The following TRPM3 variants were observed in gnomAD, a reference collection of about 807,000 sequenced individuals.
TRPM3 encodes the protein transient receptor potential cation channel subfamily M member 3.
In TRPM3, 77 loss-of-function variants were observed where a neutral mutation model predicts 181.2. The ratio of observed to expected loss-of-function variants is 0.42; its 90% CI spans 0.35 to 0.51. The LOEUF (loss-of-function observed/expected upper bound fraction) is 0.51, where lower values mean the gene tolerates loss of function less well. Among genes scored for constraint, TRPM3 ranks in the 20% least tolerant of loss-of-function variants. The probability of loss-of-function intolerance (pLI) is 0.01; values close to 1 mark genes in which losing one functional copy is unlikely to be tolerated. For synonymous variants in TRPM3, 745 were observed against 796.4 expected (o/e 0.94, Z 1.09); for missense variants, 1,759 against 2,196.7 (o/e 0.80, Z 3.98).
chr9:70,980,691 C>G (rs892584515), intron 1 of TRPM3, among the ~76,000 whole-genome samples: 1 of 152,198 alleles, frequency 6.6e-6, no homozygotes, highest in Non-Finnish European at 1.5e-5. Flanking sequence ...TCAGTAGCAC[C>G]CTGGCCCCTG....
chr9:70,971,200 C>T (rs571598874), intron 1 of TRPM3, among the ~76,000 whole-genome samples: 7 of 152,028 alleles, frequency 4.6e-5, no homozygotes, highest in African/African-American at 1.7e-4. Context: ...AATAAAAAAT[C>T]CAAAGTTTTG....
At chr9:70,612,843 A>G (rs1432665093) in intron 18 of TRPM3, among the ~76,000 whole-genome samples, 1 of 152,182 alleles carries the variant, frequency 6.6e-6, no homozygotes, top group Non-Finnish European at 1.5e-5. Context: ...GCTTATTTAT[A>G]TGCTTGAGAA....
intron 8 of TRPM3, among the ~76,000 whole-genome samples, chr9:70,694,970 C>G (rs536006549): frequency 1.3e-5 from 2 of 152,170 alleles, no homozygotes; most frequent in African/African-American, 2.4e-5. Flanking sequence ...ACGTGACAAC[C>G]CTCCCCCTAT....
At chr9:70,842,301 A>G (rs192016253) in intron 5 of TRPM3, among the ~76,000 whole-genome samples, 126 of 152,168 alleles carry the variant, frequency 8.3e-4, no homozygotes, top group African/African-American at 2.9e-3. Flanking sequence ...GCCATTGGTA[A>G]CTCATACTAC....
intron 1 of TRPM3, among the ~76,000 whole-genome samples, chr9:71,258,357 C>T (rs976386063): frequency 6.6e-6 from 1 of 152,160 alleles, no homozygotes. Context: ...CTGGACCTGG[C>T]CATACTTCCT....
intron 1 of TRPM3, among the ~76,000 whole-genome samples, chr9:71,157,876 CACAG>C (rs71352345): frequency 0.043 from 6,527 of 152,018 alleles, 176 homozygotes; most frequent in South Asian, 0.14. Context: ...CTCAAGAGCA[CACAG>C]ACAGATTGTT....
chr9:71,145,045 ATC>A lies in TRPM3; in HGVS notation c.184-280536_184-280535del, dbSNP rs148410366. Reference sequence around the variant, plus strand: ...GATAACATTATTTGTTTCCATAAATATCTGTTGACTAATAGTCCAACAAAAAC... The same window carrying A: ...GATAACATTATTTGTTTCCATAAATATGTTGACTAATAGTCCAACAAAAAC... On this transcript the variant is annotated intron_variant, in intron 1 of 24. Transcript: ENST00000357533. 7.7e-3 allele frequency among the ~76,000 whole-genome samples: 1,178 copies of A among 152,300 alleles called. 2 individuals carry two copies. The highest frequency in any genetic ancestry group is 0.012 in the Non-Finnish European group (786 of 68,018).
In TRPM3 at chr9:70,758,245, A is replaced by G. The variant is rs536049490; in HGVS notation, c.1272+3356T>C. On this transcript the variant is annotated intron_variant, in intron 8 of 25. Coordinates refer to ENST00000677713, the MANE Select transcript of TRPM3 (RefSeq NM_001366145.2). ...CCTATTCACAATTGCTACAAAGAGAATAAAATACCTAGGAATCCAACTTAC... is the reference window on the plus strand; with the variant it reads ...CCTATTCACAATTGCTACAAAGAGAGTAAAATACCTAGGAATCCAACTTAC... Among the ~76,000 whole-genome samples the G allele has an allele frequency of 3.7e-4, 57 of 152,298 alleles. 1 individual carries two copies. Among genetic ancestry groups the G allele is most frequent in the Middle Eastern group, 3.4e-3 (1 of 294 alleles).
At position 70,826,740 on chromosome 9, in the gene TRPM3, C is replaced by G. The variant is rs2093582059; in HGVS notation, c.973+1107G>C. ...TAGAACCTCTGAAAACTCATCTAGC[C>G]AAAGGGAATCTTTTGTTCTTTGGAA... On this transcript the variant is annotated intron_variant, in intron 6 of 25. Coordinates refer to ENST00000677713, the MANE Select transcript of TRPM3 (RefSeq NM_001366145.2). 2.0e-5 allele frequency: 3 copies of G among 152,152 alleles called. No homozygotes were observed. In the South Asian group the frequency reaches 6.2e-4, roughly 32 times the overall value. 9.4% of individuals were successfully genotyped at this position (152,152 alleles called of 1,614,324 possible).
chr9:71,038,438 T>C (rs2058456153), intron 1 of TRPM3, among the ~76,000 whole-genome samples: 1 of 152,220 alleles, frequency 6.6e-6, no homozygotes, highest in Non-Finnish European at 1.5e-5. Flanking sequence ...GCTTATTATA[T>C]AACTTGGCTG....
chr9:71,216,422 G>A (rs2131826571), intron 1 of TRPM3, among the ~76,000 whole-genome samples: 1 of 152,030 alleles, frequency 6.6e-6, no homozygotes, highest in African/African-American at 2.4e-5. Context: ...TTGCCTAACG[G>A]AGAAAATATT....
At chr9:71,391,576 T>A (rs1236604160) in intron 1 of TRPM3, among the ~76,000 whole-genome samples, 12 of 152,096 alleles carry the variant, frequency 7.9e-5, no homozygotes, top group Admixed American at 7.9e-4. Flanking sequence ...GTTATTGAAA[T>A]GTTTCCATAT....
chr9:71,009,608 C>A lies in TRPM3; in HGVS notation c.177+111570G>T, dbSNP rs1025244606. ...AGGAGGCAATTAAATGGAAATATAC[C>A]CCATGTTCATGGACTGGATGAATTA... On this transcript the variant is annotated intron_variant, in intron 1 of 25. Transcript: ENST00000677713. Among the ~76,000 whole-genome samples, 4 of 151,756 alleles carry A rather than the reference C, an allele frequency of 2.6e-5. No homozygotes were observed. The East Asian group carries it at 7.8e-4, about 29-fold the overall frequency.
At chr9:71,401,197 CAAAA>C (rs59425467) in intron 1 of TRPM3, among the ~76,000 whole-genome samples, 3 of 105,810 alleles carry the variant, frequency 2.8e-5, no homozygotes, top group Admixed American at 1.0e-4. Flanking sequence ...GACACCATCG[CAAAA>C]AAAAAAAAAA....
At chr9:70,967,122 T>C (rs1017748435) in intron 1 of TRPM3, among the ~76,000 whole-genome samples, 1 of 152,130 alleles carries the variant, frequency 6.6e-6, no homozygotes, top group African/African-American at 2.4e-5. Flanking sequence ...CCTTTTCTTT[T>C]AAAACTGTGG....
intron 8 of TRPM3, chr9:70,761,121 T>G (rs1477521346): frequency 3.6e-6 from 1 of 281,092 alleles, no homozygotes; most frequent in East Asian, 7.3e-5. Context: ...AGAAACACAT[T>G]TTGCTCTGAT....
intron 1 of TRPM3, among the ~76,000 whole-genome samples, chr9:71,200,083 C>T (rs2078676785): frequency 6.6e-6 from 1 of 151,956 alleles, no homozygotes; most frequent in Admixed American, 6.6e-5. Context: ...TCTTTGTTCT[C>T]ATTGGTTTCA....
rs1207764542 is a variant in TRPM3 at position 70,535,373 on chromosome 9, A to T, written c.*580T>A. The T allele has an allele frequency of 6.5e-7, 1 of 1,532,740 alleles. No homozygotes were observed. Among genetic ancestry groups the T allele is most frequent in the East Asian group, 2.4e-5 (1 of 40,832 alleles). 94.9% of individuals were successfully genotyped at this position (1,532,740 alleles called of 1,614,324 possible). Reference sequence around the variant, plus strand: ...TTTTTTCTTTATAATGATCAATTACAGAAGTGTTGGCATGAGAAGGATGTG... The same window carrying T: ...TTTTTTCTTTATAATGATCAATTACTGAAGTGTTGGCATGAGAAGGATGTG... On this transcript the variant is annotated 3_prime_UTR_variant, in exon 26 of 26. Coordinates refer to ENST00000677713, the MANE Select transcript of TRPM3 (RefSeq NM_001366145.2).
At chr9:71,276,093 G>A (rs868773057) in intron 1 of TRPM3, among the ~76,000 whole-genome samples, 4 of 152,100 alleles carry the variant, frequency 2.6e-5, no homozygotes, top group Middle Eastern at 3.4e-3. Context: ...CACCTGCCTC[G>A]GCCTCCCAAA....
Sources: gnomAD v4.1 joint callset for allele counts (sites outside exome capture counted in the v4.1 genomes callset) on GRCh38, gnomAD v4.1.1 for gene constraint, MANE v1.5 for transcripts, NCBI Gene and HGNC (gene_info 2026-07-23, HGNC 2026-07-21) for gene names.